Variants in HDAC8 observed in about 807,000 individuals in gnomAD.
HDAC8 encodes the protein histone deacetylase 8, also known as histone deacetylase-like 1.
A neutral mutation model predicts 32.2 loss-of-function variants in HDAC8; 1 was observed. The ratio of observed to expected loss-of-function variants is 0.03; its 90% CI spans 0.01 to 0.15. The LOEUF (loss-of-function observed/expected upper bound fraction) is 0.15, where lower values mean the gene tolerates loss of function less well. HDAC8 is among the 10% of genes least tolerant of loss of function. The probability of loss-of-function intolerance (pLI) is 1.00; values close to 1 mark genes in which losing one functional copy is unlikely to be tolerated. For synonymous variants in HDAC8, 108 were observed against 113.9 expected (o/e 0.95, Z 0.33); for missense variants, 117 against 300.0 (o/e 0.39, Z 4.51).
chrX:72,399,415 A>T (rs1555966650), intron 9 of HDAC8, among the ~76,000 whole-genome samples: 1 of 112,337 alleles, frequency 8.9e-6, no homozygotes, highest in Non-Finnish European at 1.9e-5. Flanking sequence ...TCTGATAAGA[A>T]TAAGTTATTG....
At chrX:72,402,070 G>T (rs1474503651) in intron 9 of HDAC8, among the ~76,000 whole-genome samples, 1 of 111,335 alleles carries the variant, frequency 9.0e-6, no homozygotes, top group Non-Finnish European at 1.9e-5. Context: ...TTTTCTTCTT[G>T]AGTCTTAAGT....
chrX:72,359,033 G>T (rs1486048547), intron 9 of HDAC8, among the ~76,000 whole-genome samples: 4 of 110,050 alleles, frequency 3.6e-5, no homozygotes, highest in African/African-American at 1.3e-4. Flanking sequence ...GCCCCAGGGG[G>T]GTTGGGGACC....
At chrX:72,433,292 C>T (rs2046867509) in intron 9 of HDAC8, among the ~76,000 whole-genome samples, 1 of 110,738 alleles carries the variant, frequency 9.0e-6, no homozygotes, top group Non-Finnish European at 1.9e-5. Flanking sequence ...GCTCAGCATC[C>T]TATAATGCAT....
At chrX:72,565,831 T>A (rs1486980353) in intron 4 of HDAC8, among the ~76,000 whole-genome samples, 1 of 110,490 alleles carries the variant, frequency 9.1e-6, no homozygotes, top group Non-Finnish European at 1.9e-5. Flanking sequence ...CTCCTAGCAG[T>A]CATTGTCTTT....
At chrX:72,367,458 GT>G (rs1467904412) in intron 9 of HDAC8, among the ~76,000 whole-genome samples, 1 of 112,263 alleles carries the variant, frequency 8.9e-6, no homozygotes, top group Non-Finnish European at 1.9e-5. Flanking sequence ...TTAAAGGGTT[GT>G]CTATGAGGCT....
chrX:72,364,906 C>T (rs1555953828), intron 9 of HDAC8, among the ~76,000 whole-genome samples: 1 of 111,044 alleles, frequency 9.0e-6, no homozygotes, highest in Non-Finnish European at 1.9e-5. Flanking sequence ...GATTTTTTTT[C>T]CTCATTACTT....
rs782224300 is a variant in HDAC8 at position 72,572,631 on chromosome X, T to G, written c.111+20A>C. ...CCCCCACCCCCAAAGCCCATGGTCTTTCATCCCGACTTCCCTTACCCGTTT... is the reference window on the plus strand; with the variant it reads ...CCCCCACCCCCAAAGCCCATGGTCTGTCATCCCGACTTCCCTTACCCGTTT... On this transcript the variant is annotated intron_variant, in intron 1 of 10. Transcript: ENST00000373573. The G allele has an allele frequency of 4.2e-5, 23 of 552,555 alleles. No individual in the cohort carries two copies. The highest frequency in any genetic ancestry group is 5.0e-5 in the Non-Finnish European group (19 of 379,369). 45.5% of individuals were successfully genotyped at this position (552,555 alleles called of 1,213,427 possible). A position where few individuals can be genotyped will look rare whatever the true frequency, so the allele number is the denominator to read the frequency against.
chrX:72,446,779 A>T (rs2047415131), intron 9 of HDAC8, among the ~76,000 whole-genome samples: 1 of 111,710 alleles, frequency 9.0e-6, no homozygotes, highest in Non-Finnish European at 1.9e-5. Flanking sequence ...CCACAGAAAT[A>T]CAAACTACCA....
intron 9 of HDAC8, among the ~76,000 whole-genome samples, chrX:72,404,055 G>A (rs1157360189): frequency 3.6e-5 from 4 of 111,347 alleles, no homozygotes; most frequent in African/African-American, 1.3e-4. Flanking sequence ...TTAAAAATAT[G>A]TTTTTAAAAT....
At chrX:72,338,644 TATATATATATATTTATAAATATATATAA>T (rs2043789766) in intron 10 of HDAC8, among the ~76,000 whole-genome samples, 1 of 96,056 alleles carries the variant, frequency 1.0e-5, no homozygotes, top group South Asian at 4.6e-4. Context: ...CACCTTGATA[TATATATATATATTTATAAATATATATAA>T]ATATATATAT....
chrX:72,453,019 CAA>C (rs1195272020), intron 9 of HDAC8, among the ~76,000 whole-genome samples: 2 of 109,924 alleles, frequency 1.8e-5, no homozygotes, highest in African/African-American at 6.6e-5. Flanking sequence ...ATGAAAAACA[CAA>C]TATTTGAAAT....
At chrX:72,511,507 A>G (rs1045343780) in intron 4 of HDAC8, among the ~76,000 whole-genome samples, 4 of 111,706 alleles carry the variant, frequency 3.6e-5, no homozygotes, top group Non-Finnish European at 7.5e-5. Flanking sequence ...GGCACACAAG[A>G]TGAGTGTCTC....
intron 9 of HDAC8, among the ~76,000 whole-genome samples, chrX:72,387,996 GGAATTTGAAGGAAGAGTAGGACTTCAT>G (rs1395915272): frequency 1.8e-5 from 2 of 110,706 alleles, no homozygotes; most frequent in African/African-American, 6.6e-5. Context: ...CATGGGGATT[GGAATTTGAAGGAAGAGTAGGACTTCAT>G]CCAGCAGGCA....
intron 4 of HDAC8, among the ~76,000 whole-genome samples, chrX:72,504,845 G>A (rs1351562187): frequency 9.0e-6 from 1 of 110,897 alleles, no homozygotes. Flanking sequence ...ATTTCTCCAC[G>A]TCCTCACCAG....
chrX:72,485,959 A>C (rs1163447734), intron 7 of HDAC8, among the ~76,000 whole-genome samples: 1 of 110,678 alleles, frequency 9.0e-6, no homozygotes, highest in African/African-American at 3.3e-5. Context: ...GTCTCTACTA[A>C]AAATACAAAA....
At chrX:72,431,398 A>C (rs1246327827) in intron 9 of HDAC8, among the ~76,000 whole-genome samples, 1 of 111,728 alleles carries the variant, frequency 9.0e-6, no homozygotes, top group Non-Finnish European at 1.9e-5. Context: ...TTACTGTTCT[A>C]ACATATACCA....
At chrX:72,341,645 C>G (rs2043891261) in intron 10 of HDAC8, among the ~76,000 whole-genome samples, 1 of 111,695 alleles carries the variant, frequency 9.0e-6, no homozygotes, top group Non-Finnish European at 1.9e-5. Context: ...ACTTGTTTTC[C>G]AGCTCATGGC....
intron 4 of HDAC8, among the ~76,000 whole-genome samples, chrX:72,501,231 A>G (rs781998074): frequency 1.8e-5 from 2 of 112,227 alleles, no homozygotes; most frequent in Non-Finnish European, 3.8e-5. Context: ...ATACCTATCA[A>G]AATACATGTG....
chrX:72,474,758 C>T, intron 7 of HDAC8: 1 of 906,050 alleles, frequency 1.1e-6, no homozygotes, highest in East Asian at 3.1e-5. Flanking sequence ...AGAGTGGTGA[C>T]ATTAATGATG....
Sources: allele counts gnomAD v4.1 joint callset (sites outside exome capture counted in the v4.1 genomes callset), GRCh38; gene constraint gnomAD v4.1.1; transcripts MANE v1.5; gene names NCBI Gene and HGNC (gene_info 2026-07-23, HGNC 2026-07-21).